EPHA4: variants seen among roughly 807,000 people sequenced by gnomAD.
EPHA4 encodes EPH receptor A4.
Under a neutral mutation model 108.3 loss-of-function variants are expected in EPHA4, and 19 were observed. That is an observed-to-expected ratio of 0.18 (90% confidence interval 0.12 to 0.26). The LOEUF (loss-of-function observed/expected upper bound fraction) is 0.26. EPHA4 is among the 10% of genes least tolerant of loss of function. The pLI, the probability that EPHA4 is intolerant of heterozygous loss-of-function variation, is 1.00. For synonymous variants in EPHA4, 449 were observed against 455.5 expected (o/e 0.99, Z 0.18); for missense variants, 917 against 1,254.0 (o/e 0.73, Z 4.06).
intron 11 of EPHA4, among the ~76,000 whole-genome samples, chr2:221,441,623 C>T (rs760508192): frequency 2.6e-5 from 4 of 152,166 alleles, no homozygotes; most frequent in Non-Finnish European, 5.9e-5. Context: ...CTGGTTAACA[C>T]TTAGCCATCC....
intron 3 of EPHA4, among the ~76,000 whole-genome samples, chr2:221,516,508 C>T (rs2565746): frequency 0.61 from 92,952 of 151,822 alleles, 29,612 homozygotes; most frequent in African/African-American, 0.79. Flanking sequence ...GCGTCCGCCG[C>T]GACCCCTGGT....
intron 5 of EPHA4, among the ~76,000 whole-genome samples, chr2:221,475,358 ATTATT>A (rs1230541475): frequency 6.6e-6 from 1 of 152,200 alleles, no homozygotes; most frequent in Non-Finnish European, 1.5e-5. Context: ...TGAAATCCTA[ATTATT>A]TTAGTTAATT....
rs535844529 is a variant in EPHA4 at position 221,557,464 on chromosome 2, C to T, written c.823+6267G>A. 9.8e-5 allele frequency among the ~76,000 whole-genome samples: 15 copies of T among 152,296 alleles called. No homozygotes were observed. In the South Asian group the frequency reaches 2.7e-3, roughly 27 times the overall value. ...TAGGCACTGTGCCAGGCCCTTTATA[C>T]ATTCATGCATATATGTGTGTCATAT... On this transcript the variant is annotated intron_variant, in intron 3 of 17. Coordinates refer to ENST00000281821, the MANE Select transcript of EPHA4 (RefSeq NM_004438.5).
intron 3 of EPHA4, among the ~76,000 whole-genome samples, chr2:221,534,555 G>A (rs970220568): frequency 6.6e-6 from 1 of 152,176 alleles, no homozygotes; most frequent in Non-Finnish European, 1.5e-5. Context: ...CTGTGGTTGT[G>A]TGAACTTCCC....
Position 221,419,936 on chromosome 2 carries a change from C to CT in EPHA4, c.*1435_*1436insA, listed in dbSNP as rs376613142. 1.3e-5 allele frequency: 2 copies of CT among 152,728 alleles called. No individual in the cohort carries two copies. The highest frequency in any genetic ancestry group is 4.8e-5 in the African/African-American group (2 of 41,446). The allele number at this position is 152,728 out of a possible 1,614,324, so 9.5% of individuals were successfully genotyped here. On this transcript the variant is annotated 3_prime_UTR_variant, in exon 18 of 18. Coordinates refer to ENST00000281821, the MANE Select transcript of EPHA4 (RefSeq NM_004438.5). The stretch of plus-strand genomic sequence containing the variant: ...CTAAGCATGAGGCTACGCACATACA[C>CT]ACACCCGCACACAGACAGGCACGCA...
intron 3 of EPHA4, among the ~76,000 whole-genome samples, chr2:221,523,370 C>A (rs1693232129): frequency 6.6e-6 from 1 of 152,024 alleles, no homozygotes; most frequent in Admixed American, 6.5e-5. Flanking sequence ...TCACCACAAC[C>A]TCCGCCTCCC....
intron 3 of EPHA4, among the ~76,000 whole-genome samples, chr2:221,530,214 T>C (rs552423841): frequency 6.6e-6 from 1 of 152,290 alleles, no homozygotes; most frequent in South Asian, 2.1e-4. Flanking sequence ...CCCAAATCTT[T>C]TACGATGTAA....
In EPHA4 at chr2:221,442,916, G is replaced by C; in HGVS notation, c.1987C>G (p.Gln663Glu). 3 of 1,614,138 alleles carry C rather than the reference G, an allele frequency of 1.9e-6. No homozygotes were observed. Among genetic ancestry groups the C allele is most frequent in the Non-Finnish European group, 2.5e-6 (3 of 1,180,010 alleles). ...KTLKAGYTDK[Q>E]RRDFLSEASI... ...GCCTCACTCAGGAAGTCTCTCCTCTGTTTGTCTGTATAACCAGCTTTCAGA... is the reference window on the plus strand; with the variant it reads ...GCCTCACTCAGGAAGTCTCTCCTCTCTTTGTCTGTATAACCAGCTTTCAGA... Residue 663 changes from glutamine (Q) to glutamate (E), a missense_variant, in exon 11 of 18, where the codon CAG becomes GAG. Gln to Glu is a conservative substitution (Grantham distance 29). Transcript: ENST00000281821.
chr2:221,469,597 C>T (rs1311552720), intron 5 of EPHA4, among the ~76,000 whole-genome samples: 5 of 152,166 alleles, frequency 3.3e-5, no homozygotes, highest in Non-Finnish European at 7.3e-5. Context: ...TTATAAATTA[C>T]TCCGTCTTCA....
intron 3 of EPHA4, among the ~76,000 whole-genome samples, chr2:221,550,457 G>A (rs2106198372): frequency 6.7e-6 from 1 of 148,184 alleles, no homozygotes; most frequent in East Asian, 2.0e-4. Flanking sequence ...GAGAGAGAAT[G>A]TAGACTAATG....
rs145059158 is a variant in EPHA4, at chr2:221,432,680, G to A, written c.2496+1462C>T. ...TTTTTTTGAGACAGAGTCTCATTCT[G>A]TGGCCCAGGCTGAATTACAGTGGTG... On this transcript the variant is annotated intron_variant, in intron 14 of 17. Coordinates refer to ENST00000281821, the MANE Select transcript of EPHA4 (RefSeq NM_004438.5). 2.1e-3 allele frequency among the ~76,000 whole-genome samples: 317 copies of A among 147,510 alleles called. 1 individual carries two copies. Among genetic ancestry groups the A allele is most frequent in the African/African-American group, 7.5e-3 (300 of 39,980 alleles).
intron 4 of EPHA4, among the ~76,000 whole-genome samples, chr2:221,483,510 G>C (rs1691892524): frequency 6.6e-6 from 1 of 150,906 alleles, no homozygotes; most frequent in Admixed American, 6.6e-5. Context: ...TTGTGTGTGT[G>C]TGTGTGTGTG....
intron 3 of EPHA4, among the ~76,000 whole-genome samples, chr2:221,563,058 G>C (rs1694515183): frequency 6.6e-6 from 1 of 152,158 alleles, no homozygotes; most frequent in Non-Finnish European, 1.5e-5. Context: ...GATCAAATAA[G>C]AAGACTCTTG....
At position 221,482,443 on chromosome 2, in the gene EPHA4, G is replaced by A. The variant is rs550662005; in HGVS notation, c.1227C>T (p.Tyr409=). 4.7e-5 allele frequency: 76 copies of A among 1,614,112 alleles called. 2 individuals are homozygous for A. In the African/African-American group the frequency reaches 5.6e-4, roughly 12 times the overall value. Residue 409 remains tyrosine, a synonymous_variant, in exon 5 of 18, where the codon TAC becomes TAT. Transcript: ENST00000281821. ...CATTCACAGCCCAGATTTCAAAGGT[G>A]TAATTGGTATGAGCTAGGAGGTCAG... ...SITDLLAHTN[Y]TFEIWAVNGV...
intron 4 of EPHA4, among the ~76,000 whole-genome samples, chr2:221,492,494 C>T (rs369864485): frequency 8.6e-5 from 13 of 151,714 alleles, no homozygotes; most frequent in African/African-American, 2.9e-4. Flanking sequence ...CGTTGAAGCT[C>T]ACCTGGTGAT....
chr2:221,551,137 A>T (rs1694146355), intron 3 of EPHA4, among the ~76,000 whole-genome samples: 1 of 152,138 alleles, frequency 6.6e-6, no homozygotes, highest in African/African-American at 2.4e-5. Context: ...TTTTTAAATA[A>T]GAGAAAAATA....
rs148625856 is a variant in EPHA4 at position 221,431,532 on chromosome 2, T to C, written c.2497-1381A>G. Among the ~76,000 whole-genome samples the C allele has an allele frequency of 2.1e-3, 327 of 152,346 alleles. 2 individuals are homozygous for C. Among genetic ancestry groups the C allele is most frequent in the African/African-American group, 7.6e-3 (318 of 41,574 alleles). On this transcript the variant is annotated intron_variant, in intron 14 of 17. Coordinates refer to ENST00000281821, the MANE Select transcript of EPHA4 (RefSeq NM_004438.5). Reference sequence around the variant, plus strand: ...CATGTATCAGTATCACCTACTTTTCTTTGTAAAGCAGACTTCTCTATGCTG... The same window carrying C: ...CATGTATCAGTATCACCTACTTTTCCTTGTAAAGCAGACTTCTCTATGCTG...
intron 3 of EPHA4, among the ~76,000 whole-genome samples, chr2:221,516,067 TC>T (rs1290948114): frequency 6.6e-6 from 1 of 152,072 alleles, no homozygotes; most frequent in Non-Finnish European, 1.5e-5. Context: ...CTTCATGTTT[TC>T]CTCAAGGCTG....
chr2:221,545,212 C>T (rs1693954904), intron 3 of EPHA4, among the ~76,000 whole-genome samples: 1 of 151,396 alleles, frequency 6.6e-6, no homozygotes. Context: ...CTTTGGGAGA[C>T]CGAGGTGGGC....
Sources: gnomAD v4.1 joint callset for allele counts (sites outside exome capture counted in the v4.1 genomes callset) on GRCh38, gnomAD v4.1.1 for gene constraint, MANE v1.5 for transcripts, NCBI Gene and HGNC (gene_info 2026-07-23, HGNC 2026-07-21) for gene names.